Variants in TECTA observed in about 807,000 individuals in gnomAD.
The protein encoded by TECTA is tectorin alpha, also known as alpha-tectorin.
A neutral mutation model predicts 216.8 loss-of-function variants in TECTA; 128 were observed. That is an observed-to-expected ratio of 0.59 (90% CI 0.51 to 0.68). The LOEUF is 0.68. TECTA is among the 30% of genes least tolerant of loss of function. The probability of loss-of-function intolerance (pLI) is 0.00; values close to 1 mark genes in which losing one functional copy is unlikely to be tolerated. For synonymous variants in TECTA, 1,089 were observed against 1,117.1 expected (o/e 0.97, Z 0.50); for missense variants, 2,551 against 2,786.2 (o/e 0.92, Z 1.90).
intron 10 of TECTA, among the ~76,000 whole-genome samples, chr11:121,130,475 A>G (rs1235650668): frequency 3.9e-5 from 6 of 152,110 alleles, no homozygotes; most frequent in Non-Finnish European, 5.9e-5. Flanking sequence ...GGTTTTATCT[A>G]GCAGAGGGTA....
chr11:121,108,605 C>T (rs1316931443), intron 3 of TECTA, among the ~76,000 whole-genome samples: 1 of 149,884 alleles, frequency 6.7e-6, no homozygotes, highest in South Asian at 2.1e-4. Context: ...CACCACATCC[C>T]CCGTATACAC....
rs200686885 is a variant in TECTA, at chr11:121,128,245, G to T, written c.2268G>T (p.Lys756Asn). The part of the protein sequence containing the change: ...RPEYLEIDIN[K>N]KKPDAGPAWL... ...AGTACTTGGAAATCGACATCAACAA[G>T]AAGAAGCCCGATGCAGGACCTGCTT... Residue 756 changes from lysine to asparagine, a missense_variant, in exon 9 of 24, where the codon AAG (lysine) becomes AAT (asparagine). This residue lies in a region of TECTA where 2,375 missense variants were observed against 2,563.9 expected (regional missense o/e 0.93). Transcript: ENST00000392793. 1 of 1,600,512 alleles carries T rather than the reference G, an allele frequency of 6.2e-7. No homozygotes were observed. Among genetic ancestry groups the T allele is most frequent in the Non-Finnish European group, 8.5e-7 (1 of 1,179,930 alleles).
chr11:121,118,742 G>A (rs374607719), intron 7 of TECTA, 24 bp downstream of exon 7: 69 of 1,612,376 alleles, frequency 4.3e-5, no homozygotes, highest in Admixed American at 2.3e-4. Context: ...TATCCTTCAC[G>A]GGGAAATGGA....
At position 121,130,011 on chromosome 11, in the gene TECTA, T is replaced by G; in HGVS notation, c.2741T>G (p.Ile914Ser). ...KFYRSRSRCG[I>S]INDPSNSSFL... is the part of the protein sequence containing the mutation. ...TATCGAAGCCGCTCCAGGTGCGGCATCATCAACGACCCCTCCAACAGCTCC... is the reference window on the plus strand; with the variant it reads ...TATCGAAGCCGCTCCAGGTGCGGCAGCATCAACGACCCCTCCAACAGCTCC... Residue 914 changes from isoleucine to serine, a missense_variant, in exon 10 of 24, where the codon ATC (isoleucine) becomes AGC (serine). By Grantham distance (142) the Ile-to-Ser change is moderately radical. Transcript: ENST00000392793. 1.1e-5 allele frequency: 18 copies of G among 1,608,828 alleles called. No homozygotes were observed. Among genetic ancestry groups the G allele is most frequent in the Non-Finnish European group, 1.5e-5 (18 of 1,176,364 alleles).
At chr11:121,126,148 C>T (rs1330038561) in intron 8 of TECTA, among the ~76,000 whole-genome samples, 3 of 152,180 alleles carry the variant, frequency 2.0e-5, no homozygotes, top group African/African-American at 7.2e-5. Flanking sequence ...ACGGCAGCTC[C>T]AGAGTTGAGT....
intron 12 of TECTA, among the ~76,000 whole-genome samples, chr11:121,151,915 C>G (rs979364087): frequency 7.2e-5 from 11 of 152,162 alleles, no homozygotes; most frequent in African/African-American, 2.4e-4. Context: ...TTCTACGAAA[C>G]TTTTTAAGCA....
At chr11:121,178,074 C>T (rs568835710) in intron 20 of TECTA, among the ~76,000 whole-genome samples, 4 of 152,216 alleles carry the variant, frequency 2.6e-5, no homozygotes, top group Non-Finnish European at 4.4e-5. Context: ...TTCCAGGTGC[C>T]GTCTGTCACC....
intron 11 of TECTA, among the ~76,000 whole-genome samples, chr11:121,139,702 A>T (rs1002506080): frequency 1.3e-5 from 2 of 151,534 alleles, no homozygotes; most frequent in African/African-American, 4.9e-5. Context: ...AAAAAAAAAA[A>T]TAATGAATGA....
chr11:121,145,596 A>G lies in TECTA; in HGVS notation c.3585A>G (p.Gln1195=). 6.2e-7 allele frequency: 1 copy of G among 1,614,208 alleles called. No individual in the cohort carries two copies. The change falls in exon 12 of 24, where the codon CAA becomes CAG. Residue 1195 remains glutamine (Q), a synonymous_variant. Coordinates refer to ENST00000392793, the MANE Select transcript of TECTA (RefSeq NM_005422.4). Reference sequence around the variant, plus strand: ...TCTATCTGCCCCTGAAGCTGGGGCAAGGGAAGATAAATATCTTTTCCTTTG... The same window carrying G: ...TCTATCTGCCCCTGAAGCTGGGGCAGGGGAAGATAAATATCTTTTCCTTTG... ...ERLYLPLKLG[Q]GKINIFSFGF...
intron 7 of TECTA, among the ~76,000 whole-genome samples, chr11:121,121,101 C>T (rs962575737): frequency 6.6e-6 from 1 of 152,248 alleles, no homozygotes; most frequent in Non-Finnish European, 1.5e-5. Context: ...TTGCAAGTCA[C>T]ACCAGCCCCC....
intron 10 of TECTA, among the ~76,000 whole-genome samples, chr11:121,131,629 C>G (rs1016153255): frequency 1.4e-4 from 21 of 152,104 alleles, no homozygotes; most frequent in African/African-American, 5.1e-4. Context: ...TCTTTTACAG[C>G]CAAAACAAAA....
chr11:121,107,813 A>G (rs1270289924), intron 3 of TECTA, among the ~76,000 whole-genome samples: 1 of 152,186 alleles, frequency 6.6e-6, no homozygotes, highest in East Asian at 1.9e-4. Flanking sequence ...TTGGTTTACT[A>G]AGCCATTTAC....
chr11:121,167,271 T>A (rs1320452478), intron 18 of TECTA, among the ~76,000 whole-genome samples: 1 of 152,084 alleles, frequency 6.6e-6, no homozygotes, highest in East Asian at 1.9e-4. Flanking sequence ...TCTCTATTTT[T>A]AAAAAATCTA....
intron 10 of TECTA, among the ~76,000 whole-genome samples, chr11:121,136,985 G>A (rs1485453882): frequency 2.6e-5 from 4 of 152,304 alleles, no homozygotes; most frequent in East Asian, 3.9e-4. Context: ...TGGAAAGCTA[G>A]GTGCCCTAGC....
chr11:121,155,362 G>A (rs1356748459), intron 13 of TECTA, among the ~76,000 whole-genome samples: 2 of 152,150 alleles, frequency 1.3e-5, no homozygotes, highest in Non-Finnish European at 2.9e-5. Flanking sequence ...TCAGAGAGAG[G>A]CCAAACCATC....
rs1947337176 is a variant in TECTA, at chr11:121,191,212, A to T, written c.*406A>T. 1 of 298,562 alleles carries T rather than the reference A, an allele frequency of 3.3e-6. No individual in the cohort carries two copies. The highest frequency in any genetic ancestry group is 2.2e-5 in the African/African-American group (1 of 45,774). 18.5% of individuals were successfully genotyped at this position (298,562 alleles called of 1,614,324 possible). A position where few individuals can be genotyped will look rare whatever the true frequency, so the allele number is the denominator to read the frequency against. On this transcript the variant is annotated 3_prime_UTR_variant, in exon 24 of 24. Transcript: ENST00000392793. The stretch of plus-strand genomic sequence containing the variant: ...AGAGGGCCTGTTGGAACGATTTTGA[A>T]GTGATGACTGGAAGGTTTGACTCCC...
At position 121,105,963 on chromosome 11, in the gene TECTA, A is replaced by G. The variant is rs745665835; in HGVS notation, c.197A>G (p.Tyr66Cys). ...FFFGVPYRTV[Y>C]VNNNGVVSFN... ...TTTGGCGTTCCTTACCGCACTGTCT[A>G]TGTAAGTGGAGAAGCAGCCCATCTG... is the stretch of plus-strand genomic sequence containing the variant. Residue 66 changes from tyrosine (Y) to cysteine (C), a missense_variant and splice_region_variant, in exon 3 of 24, where the codon TAT becomes TGT. Around this residue, in one of 3 missense-constraint regions of TECTA, gnomAD observed 2,375 missense variants for 2,563.9 expected, o/e 0.93. Coordinates refer to ENST00000392793, the MANE Select transcript of TECTA (RefSeq NM_005422.4). The surrounding 1 kb of genome is among the most constrained non-coding windows in gnomAD (Gnocchi z 5.3). 2.5e-6 allele frequency: 4 copies of G among 1,614,158 alleles called. No individual in the cohort carries two copies. The highest frequency in any genetic ancestry group is 2.2e-5 in the South Asian group (2 of 91,078).
At chr11:121,171,443 T>G (rs1027330789) in intron 20 of TECTA, among the ~76,000 whole-genome samples, 4 of 152,158 alleles carry the variant, frequency 2.6e-5, no homozygotes, top group African/African-American at 9.7e-5. Context: ...TTAGGATTTT[T>G]TTTCTATTTC....
At chr11:121,118,850 G>A (rs889815580) in intron 7 of TECTA, 132 bp downstream of exon 7, 22 of 1,219,184 alleles carry the variant, frequency 1.8e-5, no homozygotes, top group Middle Eastern at 5.1e-4. Flanking sequence ...AGCTCTCCCC[G>A]CCTTGCAAAT....
Sources: gnomAD v4.1 joint callset for allele counts (sites outside exome capture counted in the v4.1 genomes callset) on GRCh38, gnomAD v4.1.1 for gene constraint, gnomAD v4.1.1 regional missense constraint, Gnocchi (gnomAD v3.1) non-coding constraint, MANE v1.5 for transcripts, NCBI Gene and HGNC (gene_info 2026-07-23, HGNC 2026-07-21) for gene names.